SUMF1: variants seen among roughly 807,000 people sequenced by gnomAD.
The protein encoded by SUMF1 is formylglycine-generating enzyme.
A neutral mutation model predicts 47.6 loss-of-function variants in SUMF1; 48 were observed. That is an observed-to-expected ratio of 1.01 (90% CI 0.80 to 1.28). The LOEUF (loss-of-function observed/expected upper bound fraction) is 1.28, where lower values mean the gene tolerates loss of function less well. SUMF1 is among the 50% of genes most tolerant of loss of function. SUMF1 has a pLI of 0.00. For missense variants in SUMF1, 571 were observed against 485.4 expected, an observed-to-expected ratio of 1.18 and a Z score of -1.66; for synonymous variants, 230 against 192.1, an observed-to-expected ratio of 1.20 and a Z score of -1.63.
At chr3:4,434,857 T>C (rs1183186331) in intron 3 of SUMF1, among the ~76,000 whole-genome samples, 1 of 152,100 alleles carries the variant, frequency 6.6e-6, no homozygotes, top group Non-Finnish European at 1.5e-5. Flanking sequence ...AGAGACCCGA[T>C]ACTGGAGGGA....
At chr3:4,148,559 T>C (rs902007255) in intron 8 of SUMF1, among the ~76,000 whole-genome samples, 1 of 152,156 alleles carries the variant, frequency 6.6e-6, no homozygotes, top group African/African-American at 2.4e-5. Context: ...ATGAGCAAAG[T>C]TTCCTGTGAT....
intron 8 of SUMF1, among the ~76,000 whole-genome samples, chr3:4,169,533 T>TC (rs1694787146): frequency 6.6e-6 from 1 of 152,128 alleles, no homozygotes; most frequent in Non-Finnish European, 1.5e-5. Context: ...ACTAGAGCCT[T>TC]TAGAAGAAGC....
At chr3:4,228,230 T>C (rs181875612) in intron 8 of SUMF1, among the ~76,000 whole-genome samples, 60 of 152,228 alleles carry the variant, frequency 3.9e-4, no homozygotes, top group Non-Finnish European at 6.3e-4. Flanking sequence ...AAAATAACTT[T>C]ATTTAAGTCA....
chr3:4,303,451 G>C (rs1246841098), intron 8 of SUMF1: 2 of 1,540,694 alleles, frequency 1.3e-6, no homozygotes, highest in Admixed American at 4.2e-5. Flanking sequence ...CGACTGAGCA[G>C]CTGGATGTCG....
chr3:4,230,940 G>A (rs2124982698), intron 8 of SUMF1, among the ~76,000 whole-genome samples: 2 of 152,164 alleles, frequency 1.3e-5, no homozygotes, highest in Middle Eastern at 6.8e-3. Context: ...CCACAACTTT[G>A]AAAAAAGTCT....
intron 8 of SUMF1, among the ~76,000 whole-genome samples, chr3:4,082,193 C>T (rs1387514483): frequency 6.6e-6 from 1 of 152,108 alleles, no homozygotes; most frequent in South Asian, 2.1e-4. Context: ...TTAGCCTGGG[C>T]ATGGTGACTC....
At chr3:4,133,530 C>T (rs187727063) in intron 8 of SUMF1, among the ~76,000 whole-genome samples, 138 of 152,222 alleles carry the variant, frequency 9.1e-4, no homozygotes, top group African/African-American at 3.2e-3. Context: ...CAGTGTGCTG[C>T]AAAAGGCAGA....
At chr3:4,366,743 G>C (rs1475652500) in intron 8 of SUMF1, among the ~76,000 whole-genome samples, 3 of 152,166 alleles carry the variant, frequency 2.0e-5, no homozygotes, top group Non-Finnish European at 4.4e-5. Context: ...ATCCAGCTTT[G>C]TTCCATTGCT....
chr3:4,190,588 T>C (rs868781080), intron 8 of SUMF1, among the ~76,000 whole-genome samples: 5 of 152,224 alleles, frequency 3.3e-5, no homozygotes, highest in Middle Eastern at 3.4e-3. Context: ...TTTGTAGAAC[T>C]CTGCATCCAT....
chr3:4,115,616 C>A (rs1693405139), intron 8 of SUMF1, among the ~76,000 whole-genome samples: 1 of 152,122 alleles, frequency 6.6e-6, no homozygotes, highest in African/African-American at 2.4e-5. Flanking sequence ...GCCACACCCG[C>A]ATCGCACCCT....
At chr3:4,143,981 TC>T (rs1368906326) in intron 8 of SUMF1, among the ~76,000 whole-genome samples, 2 of 81,222 alleles carry the variant, frequency 2.5e-5, no homozygotes, top group East Asian at 1.1e-3. Flanking sequence ...ACCACTGTCT[TC>T]TCTCTCTTTT....
At chr3:4,461,169 C>A (rs1037400614) in intron 1 of SUMF1, among the ~76,000 whole-genome samples, 1 of 152,206 alleles carries the variant, frequency 6.6e-6, no homozygotes, top group African/African-American at 2.4e-5. Context: ...TAATTTATAA[C>A]AGTTCTAGAC....
intron 8 of SUMF1, chr3:4,303,261 G>C (rs936765840): frequency 1.2e-5 from 15 of 1,261,576 alleles, no homozygotes; most frequent in Non-Finnish European, 1.1e-6. Flanking sequence ...CTCCTGAGAA[G>C]AAACGAACTA....
intron 9 of SUMF1, among the ~76,000 whole-genome samples, chr3:4,050,931 T>C (rs1232543213): frequency 1.3e-5 from 2 of 151,816 alleles, no homozygotes; most frequent in Non-Finnish European, 2.9e-5. Context: ...TAAGAAAATT[T>C]AATTCCTCCA....
chr3:4,273,071 C>CAT (rs1190163488), intron 8 of SUMF1, among the ~76,000 whole-genome samples: 1 of 149,632 alleles, frequency 6.7e-6, no homozygotes, highest in Non-Finnish European at 1.5e-5. Flanking sequence ...AAAATATATA[C>CAT]ATATATATAA....
chr3:4,243,783 G>C (rs1216954338), intron 8 of SUMF1, among the ~76,000 whole-genome samples: 1 of 152,144 alleles, frequency 6.6e-6, no homozygotes, highest in Non-Finnish European at 1.5e-5. Context: ...AGGTTCGCAT[G>C]ATCCAGAGCT....
At position 4,147,280 on chromosome 3, in the gene SUMF1, A is replaced by G. The variant is rs556422756; in HGVS notation, c.1015-78535T>C. ...GGCGATTCCTCAGGGATCTAGAACT[A>G]GAAATACCATTTGACCCAGCCATCC... On this transcript the variant is annotated intron_variant and NMD_transcript_variant, in intron 8 of 12. Transcript: ENST00000448413. Among the ~76,000 whole-genome samples the G allele has an allele frequency of 1.1e-4, 16 of 152,264 alleles. No homozygotes were observed. In the South Asian group the frequency reaches 3.1e-3, roughly 30 times the overall value.
chr3:4,210,131 G>C lies in SUMF1; in HGVS notation c.1015-141386C>G, dbSNP rs558141761. On this transcript the variant is annotated intron_variant and NMD_transcript_variant, in intron 8 of 12. Coordinates refer to the SUMF1 transcript ENST00000448413. ...GCTGGTCTTGAACTCCTGACCTCAA[G>C]TGATCTGCCTGCCTCAGCCTCCCAA... Among the ~76,000 whole-genome samples, 168 of 152,236 alleles carry C rather than the reference G, an allele frequency of 1.1e-3. 1 individual carries two copies. Among genetic ancestry groups the C allele is most frequent in the African/African-American group, 3.8e-3 (159 of 41,564 alleles).
At chr3:4,391,826 C>T (rs1316861855) in intron 7 of SUMF1, among the ~76,000 whole-genome samples, 7 of 137,276 alleles carry the variant, frequency 5.1e-5, no homozygotes, top group Admixed American at 3.7e-4. Flanking sequence ...CTTTTCTTTT[C>T]TTTTCTTTTT....
Sources: allele counts gnomAD v4.1 joint callset (sites outside exome capture counted in the v4.1 genomes callset), GRCh38; gene constraint gnomAD v4.1.1; transcripts MANE v1.5; gene names NCBI Gene and HGNC (gene_info 2026-07-23, HGNC 2026-07-21).